Variants in SGCZ observed in about 807,000 individuals in gnomAD.
The protein encoded by SGCZ is sarcoglycan zeta.
A neutral mutation model predicts 41.3 loss-of-function variants in SGCZ; 40 were observed. The observed-to-expected ratio is 0.97, with a 90% CI of 0.75 to 1.26. The LOEUF (loss-of-function observed/expected upper bound fraction) is 1.26. Among genes scored for constraint, SGCZ ranks in the 50% most tolerant of loss-of-function variants. SGCZ has a pLI of 0.00. For synonymous variants in SGCZ, 206 were observed against 137.5 expected (o/e 1.50, Z -3.49); for missense variants, 552 against 369.8 (o/e 1.49, Z -4.04).
chr8:14,797,798 G>A (rs1351987110), intron 1 of SGCZ, among the ~76,000 whole-genome samples: 1 of 152,160 alleles, frequency 6.6e-6, no homozygotes, highest in Non-Finnish European at 1.5e-5. Flanking sequence ...TAGGGATTTG[G>A]TGCCCTGCAT....
rs117414406 is a variant in SGCZ, at chr8:14,179,381, C to G, written c.425-14679G>C. Among the ~76,000 whole-genome samples, 228 of 152,208 alleles carry G rather than the reference C, an allele frequency of 1.5e-3. 6 individuals are homozygous for G. The East Asian group carries it at 0.04, about 27-fold the overall frequency. On this transcript the variant is annotated intron_variant, in intron 4 of 7. Coordinates refer to ENST00000382080, the MANE Select transcript of SGCZ (RefSeq NM_139167.4). ...TTGGGCTAATACCTTTTCTAGTATCCCTTTAGCAGAAGATTCACAAGACCA... is the reference window on the plus strand; with the variant it reads ...TTGGGCTAATACCTTTTCTAGTATCGCTTTAGCAGAAGATTCACAAGACCA...
Position 14,839,289 on chromosome 8 carries a change from T to C in SGCZ, c.40-284363A>G, listed in dbSNP as rs572290572. Among the ~76,000 whole-genome samples the C allele has an allele frequency of 1.2e-4, 19 of 152,176 alleles. No individual in the cohort carries two copies. The South Asian group carries it at 3.3e-3, about 27-fold the overall frequency. Reference sequence around the variant, plus strand: ...ACGATCACTCAAAGTGTTTACGCAATGAGTAGCCAGGTAAAGAGAGGTGCA... The same window carrying C: ...ACGATCACTCAAAGTGTTTACGCAACGAGTAGCCAGGTAAAGAGAGGTGCA... On this transcript the variant is annotated intron_variant, in intron 1 of 7. Transcript: ENST00000382080.
intron 1 of SGCZ, among the ~76,000 whole-genome samples, chr8:15,024,695 G>A (rs1267571391): frequency 6.6e-6 from 1 of 152,094 alleles, no homozygotes; most frequent in Non-Finnish European, 1.5e-5. Context: ...CCAGCACTTT[G>A]GGAGGCCGAG....
At chr8:14,892,450 A>C (rs1805050679) in intron 1 of SGCZ, among the ~76,000 whole-genome samples, 1 of 152,224 alleles carries the variant, frequency 6.6e-6, no homozygotes, top group Non-Finnish European at 1.5e-5. Context: ...TGTAACATTT[A>C]AAAAGAAATA....
chr8:14,479,743 T>C (rs1440681130), intron 2 of SGCZ, among the ~76,000 whole-genome samples: 39 of 83,646 alleles, frequency 4.7e-4, no homozygotes, highest in Middle Eastern at 5.6e-3. Context: ...TTTTTTTTTT[T>C]TTTTTTTTTT....
intron 1 of SGCZ, among the ~76,000 whole-genome samples, chr8:14,574,728 T>C (rs950890999): frequency 1.3e-5 from 2 of 152,214 alleles, no homozygotes; most frequent in African/African-American, 4.8e-5. Context: ...GTTATGTTTT[T>C]CTTTGGTTAA....
At chr8:14,118,915 G>C (rs1802606096) in intron 5 of SGCZ, among the ~76,000 whole-genome samples, 1 of 152,102 alleles carries the variant, frequency 6.6e-6, no homozygotes. Flanking sequence ...CGTTGCATTG[G>C]TCTACATATC....
At chr8:14,986,536 A>G (rs1334327833) in intron 1 of SGCZ, among the ~76,000 whole-genome samples, 4 of 152,128 alleles carry the variant, frequency 2.6e-5, no homozygotes, top group African/African-American at 9.6e-5. Context: ...GATCTTAGGT[A>G]AATTATAATT....
intron 1 of SGCZ, among the ~76,000 whole-genome samples, chr8:15,194,953 C>A (rs753546579): frequency 9.2e-5 from 14 of 152,092 alleles, no homozygotes; most frequent in Non-Finnish European, 1.8e-4. Context: ...CAACTTGCGA[C>A]GTCGTTTTTA....
At chr8:14,668,966 T>G (rs957393458) in intron 1 of SGCZ, among the ~76,000 whole-genome samples, 4 of 151,852 alleles carry the variant, frequency 2.6e-5, no homozygotes, top group Admixed American at 1.3e-4. Flanking sequence ...TGAGAACATG[T>G]AAGTTCTACT....
chr8:14,214,223 C>T (rs759744525), intron 4 of SGCZ, among the ~76,000 whole-genome samples: 6 of 152,040 alleles, frequency 3.9e-5, no homozygotes, highest in South Asian at 2.1e-4. Flanking sequence ...AAATCCCAAT[C>T]GAAGGGCAGT....
At chr8:14,831,581 C>T (rs558814045) in intron 1 of SGCZ, among the ~76,000 whole-genome samples, 2 of 151,342 alleles carry the variant, frequency 1.3e-5, no homozygotes, top group African/African-American at 2.4e-5. Context: ...TTCTCCTAAA[C>T]ATGTCTACAA....
At chr8:14,585,333 C>G (rs1240175050) in intron 1 of SGCZ, among the ~76,000 whole-genome samples, 1 of 152,054 alleles carries the variant, frequency 6.6e-6, no homozygotes, top group Admixed American at 6.6e-5. Flanking sequence ...GACATTTTAG[C>G]AAAGTTTTTG....
At chr8:14,681,210 G>A (rs527998021) in intron 1 of SGCZ, among the ~76,000 whole-genome samples, 1 of 152,026 alleles carries the variant, frequency 6.6e-6, no homozygotes, top group Non-Finnish European at 1.5e-5. Flanking sequence ...CCATGATTAT[G>A]AGTCTTGCAA....
chr8:15,053,597 C>A (rs1353500877), intron 1 of SGCZ, among the ~76,000 whole-genome samples: 1 of 152,064 alleles, frequency 6.6e-6, no homozygotes, highest in Non-Finnish European at 1.5e-5. Flanking sequence ...TTCCGAGTTT[C>A]ATGAGATTTA....
chr8:14,455,502 ACTTCT>A (rs910946052), intron 2 of SGCZ, among the ~76,000 whole-genome samples: 3 of 150,740 alleles, frequency 2.0e-5, no homozygotes, highest in Admixed American at 6.6e-5. Context: ...GCATATACAC[ACTTCT>A]CTTTCCTTTC....
rs768869963 is a variant in SGCZ at position 14,382,131 on chromosome 8, G to A, written c.235-57927C>T. ...TACACACTGATGAAAGGGACCACAG[G>A]GATGTACTGTTTGTGGAACAAATTT... is the stretch of plus-strand genomic sequence containing the variant. On this transcript the variant is annotated intron_variant, in intron 2 of 7. Transcript: ENST00000382080. 1.9e-3 allele frequency among the ~76,000 whole-genome samples: 279 copies of A among 147,900 alleles called. 1 individual carries two copies. Among genetic ancestry groups the A allele is most frequent in the Non-Finnish European group, 2.3e-3 (156 of 66,900 alleles).
chr8:15,178,502 G>A (rs1363003785), intron 1 of SGCZ, among the ~76,000 whole-genome samples: 1 of 152,124 alleles, frequency 6.6e-6, no homozygotes, highest in East Asian at 1.9e-4. Context: ...CAATAAATTA[G>A]ATAAGCTGAC....
At chr8:14,301,304 T>C (rs1203296785) in intron 3 of SGCZ, among the ~76,000 whole-genome samples, 5 of 152,046 alleles carry the variant, frequency 3.3e-5, no homozygotes, top group Admixed American at 6.6e-5. Context: ...TGATCCATGT[T>C]TTCTGATAAA....
Sources: allele counts gnomAD v4.1 joint callset (sites outside exome capture counted in the v4.1 genomes callset), GRCh38; gene constraint gnomAD v4.1.1; transcripts MANE v1.5; gene names NCBI Gene and HGNC (gene_info 2026-07-23, HGNC 2026-07-21).